The following UBE3A variants were observed in gnomAD, a reference collection of about 807,000 sequenced individuals.
UBE3A encodes the protein ubiquitin protein ligase E3A, also known as ubiquitin-protein ligase E3A.
Under a neutral mutation model 83.4 loss-of-function variants are expected in UBE3A, and 6 were observed. That is an observed-to-expected ratio of 0.07 (90% CI 0.04 to 0.14). UBE3A has a LOEUF of 0.14. Ranked by LOEUF, UBE3A falls within the 10% of genes least tolerant of loss-of-function variation. The pLI is 1.00. For synonymous variants in UBE3A, 337 were observed against 355.4 expected (o/e 0.95, Z 0.58); for missense variants, 456 against 1,036.1 (o/e 0.44, Z 7.69).
chr15:25,425,790 T>C (rs1368727493), intron 1 of UBE3A, among the ~76,000 whole-genome samples: 2 of 152,220 alleles, frequency 1.3e-5, no homozygotes, highest in East Asian at 1.9e-4. Flanking sequence ...GTGGGGCAAC[T>C]ACCACAAAAT....
chr15:25,367,290 ATTAAT>A (rs2079457585), intron 6 of UBE3A, among the ~76,000 whole-genome samples: 1 of 133,082 alleles, frequency 7.5e-6, no homozygotes, highest in African/African-American at 2.7e-5. Context: ...TTTAAATTAA[ATTAAT>A]TTACATATTA....
intron 6 of UBE3A, among the ~76,000 whole-genome samples, chr15:25,363,043 T>G (rs1007776201): frequency 1.5e-4 from 23 of 152,194 alleles, no homozygotes; most frequent in African/African-American, 5.3e-4. Flanking sequence ...AGAGGCCCTG[T>G]GTTCTATCTA....
chr15:25,400,048 G>T (rs1201608599), intron 4 of UBE3A, among the ~76,000 whole-genome samples: 1 of 152,110 alleles, frequency 6.6e-6, no homozygotes, highest in African/African-American at 2.4e-5. Context: ...CTAGTTCTGT[G>T]AAATTTAACA....
In UBE3A at chr15:25,333,979, G is replaced by A. The variant is rs565705709; in HGVS notation, c.*5158C>T. 2.0e-5 allele frequency: 3 copies of A among 151,486 alleles called. No homozygotes were observed. In the South Asian group the frequency reaches 6.3e-4, roughly 32 times the overall value. 9.4% of individuals were successfully genotyped at this position (151,486 alleles called of 1,614,324 possible). A position where few individuals can be genotyped will look rare whatever the true frequency, so the allele number is the denominator to read the frequency against. Reference sequence around the variant, plus strand: ...TCAACTTGAAGCAAACCCACAGCTAGCTAACATCATACTCAATGGTGAAAG... The same window carrying A: ...TCAACTTGAAGCAAACCCACAGCTAACTAACATCATACTCAATGGTGAAAG... On this transcript the variant is annotated 3_prime_UTR_variant, in exon 13 of 13. Coordinates refer to ENST00000648336, the MANE Select transcript of UBE3A (RefSeq NM_130839.5).
chr15:25,397,716 A>T (rs1379798887), intron 4 of UBE3A, among the ~76,000 whole-genome samples: 1 of 152,128 alleles, frequency 6.6e-6, no homozygotes, highest in East Asian at 1.9e-4. Flanking sequence ...TTTGAAACTC[A>T]TGTCATCTAA....
intron 11 of UBE3A, among the ~76,000 whole-genome samples, chr15:25,343,181 C>T (rs531324908): frequency 6.6e-6 from 1 of 152,090 alleles, no homozygotes; most frequent in Non-Finnish European, 1.5e-5. Context: ...AAAGTAACAT[C>T]TGTTATAGAA....
At chr15:25,401,354 C>A (rs1489754398) in intron 4 of UBE3A, among the ~76,000 whole-genome samples, 2 of 152,136 alleles carry the variant, frequency 1.3e-5, no homozygotes, top group East Asian at 1.9e-4. Context: ...TCTTAAATTT[C>A]TCATAAAATT....
At chr15:25,390,802 T>C (rs540954498) in intron 4 of UBE3A, among the ~76,000 whole-genome samples, 3 of 152,224 alleles carry the variant, frequency 2.0e-5, no homozygotes, top group South Asian at 2.1e-4. Flanking sequence ...TGTATCAATA[T>C]AGGTTCATCA....
At chr15:25,346,046 T>C (rs2075633910) in intron 11 of UBE3A, 1 of 152,376 alleles carries the variant, frequency 6.6e-6, no homozygotes, top group East Asian at 1.9e-4. Context: ...GGAGGAATTC[T>C]GCTATAATTG....
intron 6 of UBE3A, among the ~76,000 whole-genome samples, chr15:25,365,130 T>A (rs1483287299): frequency 7.2e-5 from 11 of 152,148 alleles, no homozygotes; most frequent in Non-Finnish European, 1.6e-4. Flanking sequence ...GATAAAATGA[T>A]TTTTAATTTC....
At chr15:25,344,781 G>C (rs1386509273) in intron 11 of UBE3A, among the ~76,000 whole-genome samples, 2 of 152,022 alleles carry the variant, frequency 1.3e-5, no homozygotes, top group Non-Finnish European at 2.9e-5. Context: ...TGAGAAAAAA[G>C]AATGCCAGGT....
intron 11 of UBE3A, among the ~76,000 whole-genome samples, chr15:25,345,419 AGAG>A (rs1377117724): frequency 6.6e-6 from 1 of 152,188 alleles, no homozygotes; most frequent in East Asian, 1.9e-4. Flanking sequence ...TGTGTGGGAT[AGAG>A]GAGTAAAGAA....
At chr15:25,349,983 T>A (rs1439507225) in intron 11 of UBE3A, among the ~76,000 whole-genome samples, 1 of 152,192 alleles carries the variant, frequency 6.6e-6, no homozygotes, top group African/African-American at 2.4e-5. Flanking sequence ...TAAGAGTTGT[T>A]GGCTGGGTGC....
At chr15:25,388,049 C>T (rs1003927553) in intron 4 of UBE3A, among the ~76,000 whole-genome samples, 1 of 152,198 alleles carries the variant, frequency 6.6e-6, no homozygotes, top group African/African-American at 2.4e-5. Flanking sequence ...GAAGAAACCA[C>T]ACCAGTTCTC....
chr15:25,364,645 G>T (rs28504417), intron 6 of UBE3A, among the ~76,000 whole-genome samples: 16,836 of 97,332 alleles, frequency 0.17, 1,951 homozygotes, highest in African/African-American at 0.39. Flanking sequence ...TTTTTTGTTT[G>T]TTTTTTTTTT....
At chr15:25,343,749 A>G (rs2075249839) in intron 11 of UBE3A, among the ~76,000 whole-genome samples, 1 of 152,196 alleles carries the variant, frequency 6.6e-6, no homozygotes, top group Non-Finnish European at 1.5e-5. Flanking sequence ...GCGTTAAAGG[A>G]CTAATCTCCT....
At chr15:25,436,869 C>T (rs536866906) in intron 1 of UBE3A, among the ~76,000 whole-genome samples, 7 of 152,262 alleles carry the variant, frequency 4.6e-5, no homozygotes, top group African/African-American at 1.4e-4. Flanking sequence ...TTAAGCTCCT[C>T]AGGGACAGGG....
chr15:25,392,690 G>C (rs897652273), intron 4 of UBE3A, among the ~76,000 whole-genome samples: 6 of 152,140 alleles, frequency 3.9e-5, no homozygotes, highest in Admixed American at 1.3e-4. Context: ...TGGGTGGGAA[G>C]AATGTTTCAG....
At position 25,417,458 on chromosome 15, in the gene UBE3A, A is replaced by G. The variant is rs375414528; in HGVS notation, c.-164-5487T>C. The stretch of plus-strand genomic sequence containing the variant: ...TGTAAAAAACAAAAAATAAAATAAA[A>G]TAAATACTAGGAAAATACAACCCAT... On this transcript the variant is annotated intron_variant, in intron 1 of 12. Coordinates refer to ENST00000648336, the MANE Select transcript of UBE3A (RefSeq NM_130839.5). Among the ~76,000 whole-genome samples, 7 of 152,146 alleles carry G rather than the reference A, an allele frequency of 4.6e-5. No homozygotes were observed. The East Asian group carries it at 9.6e-4, about 21-fold the overall frequency.
Sources: allele counts gnomAD v4.1 joint callset (sites outside exome capture counted in the v4.1 genomes callset), GRCh38; gene constraint gnomAD v4.1.1; transcripts MANE v1.5; gene names NCBI Gene and HGNC (gene_info 2026-07-23, HGNC 2026-07-21).